The following PKD1L3 variants were observed in gnomAD, a reference collection of about 807,000 sequenced individuals.
PKD1L3 encodes polycystin 1 like 3, transient receptor potential channel interacting, also known as polycystin-1-like protein 3.
PKD1L3 carries 239 observed loss-of-function variants against 184.1 expected under a neutral mutation model. The ratio of observed to expected loss-of-function variants is 1.30; its 90% CI spans 1.17 to 1.45. PKD1L3 has a LOEUF of 1.45. PKD1L3 is among the 40% of genes most tolerant of loss of function. The pLI is 0.00. For missense variants in PKD1L3, 2,660 were observed against 2,067.2 expected (o/e 1.29, Z -5.56); for synonymous variants, 996 against 778.8 (o/e 1.28, Z -4.64).
chr16:71,932,805 T>TC (rs1313547225), intron 28 of PKD1L3, among the ~76,000 whole-genome samples: 1 of 119,760 alleles, frequency 8.4e-6, no homozygotes, highest in African/African-American at 3.1e-5. Flanking sequence ...TTTTTTTTTT[T>TC]AATTTAAATA....
intron 26 of PKD1L3, 70 bp from the exon 27 acceptor site, chr16:71,934,195 C>G (rs550862681): frequency 1.4e-6 from 2 of 1,434,234 alleles, no homozygotes; most frequent in Non-Finnish European, 1.9e-6. Context: ...CCCAGCGCCC[C>G]TGCTGCTGAT....
intron 5 of PKD1L3, among the ~76,000 whole-genome samples, chr16:71,985,852 C>G (rs907195080): frequency 2.6e-5 from 4 of 152,164 alleles, no homozygotes; most frequent in Admixed American, 6.6e-5. Context: ...AGGCGTGACT[C>G]AGTGAGCCTG....
intron 2 of PKD1L3, among the ~76,000 whole-genome samples, chr16:71,997,148 C>T (rs868788785): frequency 4.3e-4 from 66 of 152,030 alleles, no homozygotes; most frequent in African/African-American, 1.4e-3. Flanking sequence ...TGTTGACAGA[C>T]ATCTGAATTG....
Position 71,935,305 on chromosome 16 carries a change from G to A in PKD1L3, c.4613+53C>T, listed in dbSNP as rs2038135172. The A allele has an allele frequency of 2.0e-6, 3 of 1,496,080 alleles. No homozygotes were observed. The Admixed American group carries it at 6.6e-5, about 33-fold the overall frequency. 92.7% of individuals were successfully genotyped at this position (1,496,080 alleles called of 1,614,324 possible). A position where few individuals can be genotyped will look rare whatever the true frequency, so the allele number is the denominator to read the frequency against. ...TTGAAGAATACTTGTGTATAAACAG[G>A]AAACTTTAGACATGAGGTAGGAATA... On this transcript the variant is annotated intron_variant, in intron 26 of 29. Transcript: ENST00000620267.
chr16:71,960,048 C>T (rs569206788), intron 16 of PKD1L3, among the ~76,000 whole-genome samples: 25 of 151,952 alleles, frequency 1.6e-4, no homozygotes, highest in East Asian at 3.9e-4. Context: ...CTGAGGCTGG[C>T]GAGGTTGAGG....
At chr16:71,937,832 C>T (rs960685647) in intron 24 of PKD1L3, among the ~76,000 whole-genome samples, 1 of 152,198 alleles carries the variant, frequency 6.6e-6, no homozygotes, top group Non-Finnish European at 1.5e-5. Context: ...CAGCCTCCAC[C>T]TGGAAGGACA....
chr16:71,963,540 G>A (rs144712027), intron 15 of PKD1L3, among the ~76,000 whole-genome samples, 189 bp from the exon 16 acceptor site: 2 of 152,352 alleles, frequency 1.3e-5, no homozygotes, highest in Middle Eastern at 3.4e-3. Context: ...CCAGCACTGC[G>A]TGAGGCTGAG....
Position 71,963,223 on chromosome 16 carries a change from C to T in PKD1L3, c.2594G>A (p.Arg865Lys). ...ACAGTACCTAAAGGAAAAGAGCTCT[C>T]TCTTTGAAACTGGGATGAAGACCCG... ...LDRVFIPVSK[R>K]ELFSFRHLFS... is the part of the protein sequence containing the mutation. Residue 865 changes from arginine (R) to lysine (K), a missense_variant, in exon 16 of 30, where the codon AGA (arginine) becomes AAA (lysine). Arg to Lys is a conservative substitution (Grantham distance 26). Transcript: ENST00000620267. 1.9e-6 allele frequency: 3 copies of T among 1,549,922 alleles called. No homozygotes were observed. The highest frequency in any genetic ancestry group is 2.6e-6 in the Non-Finnish European group (3 of 1,146,176).
chr16:71,970,173 A>C, intron 12 of PKD1L3, 68 bp from the exon 13 acceptor site: 2 of 1,216,884 alleles, frequency 1.6e-6, no homozygotes, highest in Middle Eastern at 2.0e-4. Flanking sequence ...ACATAAAACA[A>C]ACACCAGCAA....
At chr16:71,969,323 C>G (rs2039620452) in intron 13 of PKD1L3, among the ~76,000 whole-genome samples, 1 of 151,118 alleles carries the variant, frequency 6.6e-6, no homozygotes, top group African/African-American at 2.4e-5. Flanking sequence ...TTTTCTTTTT[C>G]TTTTTGGAGA....
chr16:71,971,651 C>T (rs2039714429), intron 12 of PKD1L3, among the ~76,000 whole-genome samples: 1 of 152,202 alleles, frequency 6.6e-6, no homozygotes, highest in Non-Finnish European at 1.5e-5. Context: ...TAACAAGCAG[C>T]ACTGGGATCA....
At chr16:71,951,508 T>G in intron 19 of PKD1L3, 56 bp downstream of exon 19, 1 of 1,478,200 alleles carries the variant, frequency 6.8e-7, no homozygotes, top group South Asian at 1.3e-5. Flanking sequence ...GTAAGACATA[T>G]GCAAGGGAGT....
chr16:71,953,499 G>T (rs1205450013), intron 17 of PKD1L3, among the ~76,000 whole-genome samples: 1 of 152,150 alleles, frequency 6.6e-6, no homozygotes, highest in Non-Finnish European at 1.5e-5. Context: ...GCATTACAAA[G>T]CACTACAAAG....
At chr16:71,951,357 G>C (rs1164327134) in intron 19 of PKD1L3, among the ~76,000 whole-genome samples, 1 of 152,146 alleles carries the variant, frequency 6.6e-6, no homozygotes, top group African/African-American at 2.4e-5. Context: ...TCTTAATCCT[G>C]TACTTTGTTT....
chr16:71,944,286 A>C, intron 22 of PKD1L3, 116 bp from the exon 23 acceptor site: 1 of 1,017,344 alleles, frequency 9.8e-7, no homozygotes, highest in East Asian at 2.6e-5. Context: ...AAGGAATAAA[A>C]CTACCTATGC....
intron 26 of PKD1L3, 55 bp from the exon 27 acceptor site, chr16:71,934,180 G>T: frequency 6.6e-7 from 1 of 1,507,372 alleles, no homozygotes; most frequent in Non-Finnish European, 9.0e-7. Flanking sequence ...CTATACTGCA[G>T]TTTCCCCAGC....
intron 19 of PKD1L3, among the ~76,000 whole-genome samples, chr16:71,951,145 T>C (rs1476514426): frequency 6.6e-6 from 1 of 152,092 alleles, no homozygotes; most frequent in Non-Finnish European, 1.5e-5. Context: ...GTTCAAGCAA[T>C]TCTCCTGCCT....
Position 71,979,875 on chromosome 16 carries a change from G to C in PKD1L3, c.1309C>G (p.Leu437Val), listed in dbSNP as rs769229379. 2.6e-6 allele frequency: 4 copies of C among 1,543,204 alleles called. No homozygotes were observed. Among genetic ancestry groups the C allele is most frequent in the Non-Finnish European group, 3.5e-6 (4 of 1,145,356 alleles). Residue 437 changes from leucine (L) to valine (V), a missense_variant, in exon 9 of 30, where the codon CTG becomes GTG. Physicochemically the swap from Leu to Val is conservative, Grantham distance 32. Coordinates refer to ENST00000620267, the MANE Select transcript of PKD1L3 (RefSeq NM_181536.2). ...AGCCTCACAGGGGCTGGGTGACCCA[G>C]AGTGTAAGAGCTCAGCGGTAAAGTT... ...ISTLPLSSYT[L>V]GHPAPVRLGF...
At chr16:71,950,569 T>G (rs1427119240) in intron 19 of PKD1L3, among the ~76,000 whole-genome samples, 2 of 152,158 alleles carry the variant, frequency 1.3e-5, no homozygotes, top group Non-Finnish European at 2.9e-5. Flanking sequence ...GCAGTACATG[T>G]GACCTATACT....
Sources: allele counts gnomAD v4.1 joint callset (sites outside exome capture counted in the v4.1 genomes callset), GRCh38; gene constraint gnomAD v4.1.1; transcripts MANE v1.5; gene names NCBI Gene and HGNC (gene_info 2026-07-23, HGNC 2026-07-21).